The following GRB2 variants were observed in gnomAD, a reference collection of about 807,000 sequenced individuals.
The protein encoded by GRB2 is growth factor receptor-bound protein 2.
A neutral mutation model predicts 27.4 loss-of-function variants in GRB2; 2 were observed. That is an observed-to-expected ratio of 0.07 (90% CI 0.03 to 0.23). GRB2 has a LOEUF of 0.23. GRB2 is among the 10% of genes least tolerant of loss of function. The pLI is 1.00. For missense variants in GRB2, 102 were observed against 282.4 expected (o/e 0.36, Z 4.58); for synonymous variants, 94 against 99.6 (o/e 0.94, Z 0.33).
intron 2 of GRB2, among the ~76,000 whole-genome samples, chr17:75,378,152 G>A (rs1400993365): frequency 6.6e-6 from 1 of 152,110 alleles, no homozygotes; most frequent in Non-Finnish European, 1.5e-5. Context: ...TTGGGAGGCC[G>A]AGGTGGGGGG....
chr17:75,323,043 C>T (rs904622329), intron 4 of GRB2, among the ~76,000 whole-genome samples: 10 of 150,372 alleles, frequency 6.7e-5, no homozygotes, highest in African/African-American at 2.0e-4. Context: ...GGTGTGAACC[C>T]GGGAGGAGGA....
intron 3 of GRB2, among the ~76,000 whole-genome samples, 161 bp downstream of exon 3, chr17:75,332,534 ATATAT>A (rs2078548266): frequency 6.6e-6 from 1 of 152,308 alleles, no homozygotes; most frequent in South Asian, 2.1e-4. Context: ...ATTGACTATG[ATATAT>A]TATTATATAC....
At chr17:75,403,620 C>CA (rs2079078478) in intron 1 of GRB2, among the ~76,000 whole-genome samples, 1 of 151,958 alleles carries the variant, frequency 6.6e-6, no homozygotes, top group Non-Finnish European at 1.5e-5. Context: ...AAAAATTAGC[C>CA]AGGTGTGGTG....
rs138462291 is a variant in GRB2 at position 75,341,367 on chromosome 17, G to A, written c.79-8570C>T. On this transcript the variant is annotated intron_variant, in intron 2 of 5. Coordinates refer to ENST00000316804, the MANE Select transcript of GRB2 (RefSeq NM_002086.5). ...AGAATCGCTTGGAGGCAGGAGAATCGCTTGAAACCAGGAGGCAGAGGTTGC... is the reference window on the plus strand; with the variant it reads ...AGAATCGCTTGGAGGCAGGAGAATCACTTGAAACCAGGAGGCAGAGGTTGC... 3.1e-3 allele frequency among the ~76,000 whole-genome samples: 465 copies of A among 148,392 alleles called. 2 individuals carry two copies. Among genetic ancestry groups the A allele is most frequent in the African/African-American group, 0.011 (430 of 40,044 alleles).
intron 2 of GRB2, among the ~76,000 whole-genome samples, chr17:75,346,633 AGTGCAGTGGTGCAAT>A (rs1031708208): frequency 2.6e-5 from 3 of 117,008 alleles, no homozygotes; most frequent in African/African-American, 9.9e-5. Flanking sequence ...CACAGGCAGG[AGTGCAGTGGTGCAAT>A]CCTGGCTCAC....
At chr17:75,327,761 T>C (rs1343208691) in intron 3 of GRB2, among the ~76,000 whole-genome samples, 1 of 152,192 alleles carries the variant, frequency 6.6e-6, no homozygotes, top group Non-Finnish European at 1.5e-5. Flanking sequence ...TGTGATCTGC[T>C]AGGAAGGATA....
At chr17:75,359,159 T>C (rs2078760098) in intron 2 of GRB2, among the ~76,000 whole-genome samples, 2 of 36,444 alleles carry the variant, frequency 5.5e-5, no homozygotes, top group African/African-American at 9.3e-5. Flanking sequence ...TGAGACTACA[T>C]CTCAAAAAAA....
chr17:75,402,847 G>C (rs1296222245), intron 1 of GRB2, among the ~76,000 whole-genome samples: 1 of 151,802 alleles, frequency 6.6e-6, no homozygotes, highest in Non-Finnish European at 1.5e-5. Context: ...AGGCTGAGGT[G>C]AGTGGATCAC....
At chr17:75,341,645 TC>T (rs2078622438) in intron 2 of GRB2, among the ~76,000 whole-genome samples, 2 of 151,998 alleles carry the variant, frequency 1.3e-5, no homozygotes. Flanking sequence ...ACTCCAACTT[TC>T]CACGGTAAAA....
intron 3 of GRB2, among the ~76,000 whole-genome samples, chr17:75,327,737 T>C (rs1319297845): frequency 6.6e-6 from 1 of 152,160 alleles, no homozygotes; most frequent in Non-Finnish European, 1.5e-5. Context: ...TATACTCAAA[T>C]TCAAACAGAA....
At chr17:75,352,505 T>A (rs557621200) in intron 2 of GRB2, among the ~76,000 whole-genome samples, 1 of 152,342 alleles carries the variant, frequency 6.6e-6, no homozygotes, top group East Asian at 1.9e-4. Context: ...AATCCCATGA[T>A]TCTGGGTCAG....
chr17:75,319,135 T>A lies in GRB2; in HGVS notation c.*1233A>T, dbSNP rs1256190979. ...CCAAGGGGCTCACAACCCTTAAAGCTGGAGCTTAAAGCCTCCTGGCTTAGT... is the reference window on the plus strand; with the variant it reads ...CCAAGGGGCTCACAACCCTTAAAGCAGGAGCTTAAAGCCTCCTGGCTTAGT... On this transcript the variant is annotated 3_prime_UTR_variant, in exon 6 of 6. Transcript: ENST00000316804. 1 of 152,432 alleles carries A rather than the reference T, an allele frequency of 6.6e-6. No individual in the cohort carries two copies. Among genetic ancestry groups the A allele is most frequent in the East Asian group, 1.9e-4 (1 of 5,160 alleles). 9.4% of individuals were successfully genotyped at this position (152,432 alleles called of 1,614,324 possible).
chr17:75,332,643 G>A, intron 3 of GRB2, 57 bp downstream of exon 3: 1 of 933,024 alleles, frequency 1.1e-6, no homozygotes, highest in Non-Finnish European at 1.7e-6. Flanking sequence ...TTTAAAAAGA[G>A]TGTTTGAAAC....
chr17:75,323,634 G>C (rs539320420), intron 4 of GRB2, among the ~76,000 whole-genome samples: 1 of 152,126 alleles, frequency 6.6e-6, no homozygotes, highest in Non-Finnish European at 1.5e-5. Flanking sequence ...ATGGAAGTTT[G>C]AGAGTTTCTG....
At chr17:75,352,167 C>G (rs1240267658) in intron 2 of GRB2, among the ~76,000 whole-genome samples, 1 of 152,196 alleles carries the variant, frequency 6.6e-6, no homozygotes, top group Non-Finnish European at 1.5e-5. Flanking sequence ...CTACACAGCT[C>G]AGGAGGAGCA....
At chr17:75,366,217 C>T (rs2078818335) in intron 2 of GRB2, among the ~76,000 whole-genome samples, 1 of 152,110 alleles carries the variant, frequency 6.6e-6, no homozygotes, top group Non-Finnish European at 1.5e-5. Flanking sequence ...CAAATCTTAT[C>T]TGATCTCTAT....
chr17:75,339,517 G>T (rs2078606123), intron 2 of GRB2, among the ~76,000 whole-genome samples: 1 of 151,956 alleles, frequency 6.6e-6, no homozygotes, highest in African/African-American at 2.4e-5. Flanking sequence ...GGACATGAAG[G>T]AACTCTAGAG....
At position 75,357,504 on chromosome 17, in the gene GRB2, T is replaced by C. The variant is rs7218274; in HGVS notation, c.79-24707A>G. Among the ~76,000 whole-genome samples, 1,436 of 152,344 alleles carry C rather than the reference T, an allele frequency of 9.4e-3. 27 individuals carry two copies. The highest frequency in any genetic ancestry group is 0.049 in the South Asian group (235 of 4,830). On this transcript the variant is annotated intron_variant, in intron 2 of 5. Transcript: ENST00000316804. ...TCTCTATCAATCTAAAATTGTTCTT[T>C]GAAAAAATAAAGTTGTCTTCTTTTA...
chr17:75,328,597 G>A (rs1300076960), intron 3 of GRB2, among the ~76,000 whole-genome samples: 1 of 152,088 alleles, frequency 6.6e-6, no homozygotes, highest in African/African-American at 2.4e-5. Flanking sequence ...AGCCGAGATC[G>A]TGCCATTGCA....
Sources: gnomAD v4.1 joint callset for allele counts (sites outside exome capture counted in the v4.1 genomes callset) on GRCh38, gnomAD v4.1.1 for gene constraint, MANE v1.5 for transcripts, NCBI Gene and HGNC (gene_info 2026-07-23, HGNC 2026-07-21) for gene names.